Variants in ANKS1B observed in about 807,000 individuals in gnomAD.
The protein encoded by ANKS1B is ankyrin repeat and sterile alpha motif domain containing 1B.
Under a neutral mutation model 148.3 loss-of-function variants are expected in ANKS1B, and 36 were observed. The ratio of observed to expected loss-of-function variants is 0.24; its 90% CI spans 0.19 to 0.32. The LOEUF is 0.32. Among genes scored for constraint, ANKS1B ranks in the 10% least tolerant of loss-of-function variants. The pLI, the probability that ANKS1B is intolerant of heterozygous loss-of-function variation, is 1.00. For missense variants in ANKS1B, 1,157 were observed against 1,542.6 expected, an observed-to-expected ratio of 0.75 and a Z score of 4.19; for synonymous variants, 542 against 560.8, an observed-to-expected ratio of 0.97 and a Z score of 0.47.
At chr12:98,956,996 T>C (rs902951802) in intron 17 of ANKS1B, among the ~76,000 whole-genome samples, 11 of 152,152 alleles carry the variant, frequency 7.2e-5, no homozygotes, top group African/African-American at 2.7e-4. Context: ...TTACTCTATC[T>C]CCTTTTCTCT....
chr12:99,739,747 G>T (rs921235606), intron 8 of ANKS1B, among the ~76,000 whole-genome samples: 1 of 151,852 alleles, frequency 6.6e-6, no homozygotes, highest in Non-Finnish European at 1.5e-5. Context: ...TCTCCCCCTG[G>T]AATATTCATT....
intron 9 of ANKS1B, among the ~76,000 whole-genome samples, chr12:99,646,685 A>G (rs1395210103): frequency 6.7e-6 from 1 of 148,902 alleles, no homozygotes; most frequent in Admixed American, 6.7e-5. Context: ...AAAAAGACTC[A>G]ACTATGGCTA....
intron 17 of ANKS1B, among the ~76,000 whole-genome samples, chr12:98,957,473 G>A (rs2153110994): frequency 6.6e-6 from 1 of 151,996 alleles, no homozygotes; most frequent in Non-Finnish European, 1.5e-5. Flanking sequence ...TTAGCCTTCT[G>A]AGTAGCTGGG....
intron 14 of ANKS1B, among the ~76,000 whole-genome samples, chr12:99,240,743 T>A (rs933390640): frequency 2.6e-5 from 4 of 152,180 alleles, no homozygotes; most frequent in African/African-American, 9.7e-5. Context: ...ATTAAGAAAT[T>A]CACTCAAAAC....
chr12:99,766,562 C>T (rs1480441153), intron 8 of ANKS1B, among the ~76,000 whole-genome samples: 2 of 152,082 alleles, frequency 1.3e-5, no homozygotes, highest in Non-Finnish European at 2.9e-5. Flanking sequence ...AAATGCAGGT[C>T]AACATGATCC....
At chr12:99,003,417 C>T (rs1312794461) in intron 17 of ANKS1B, among the ~76,000 whole-genome samples, 3 of 152,062 alleles carry the variant, frequency 2.0e-5, no homozygotes, top group South Asian at 2.1e-4. Flanking sequence ...AGATTACTTT[C>T]GGTAGTGTGG....
At chr12:99,212,032 C>T (rs1431203211) in intron 14 of ANKS1B, among the ~76,000 whole-genome samples, 1 of 152,144 alleles carries the variant, frequency 6.6e-6, no homozygotes, top group African/African-American at 2.4e-5. Context: ...CACTGTGCTA[C>T]AGGGAAAAAC....
intron 12 of ANKS1B, among the ~76,000 whole-genome samples, chr12:99,286,965 A>AG (rs1194633840): frequency 6.6e-6 from 1 of 152,140 alleles, no homozygotes; most frequent in Non-Finnish European, 1.5e-5. Context: ...ACTCTGGGCC[A>AG]GGGGGGAGCT....
intron 17 of ANKS1B, 126 bp downstream of exon 17, chr12:99,053,031 C>A: frequency 1.2e-6 from 1 of 827,754 alleles, no homozygotes; most frequent in Non-Finnish European, 1.8e-6. Flanking sequence ...TGAGAGAGAT[C>A]GATATTTAAA....
intron 17 of ANKS1B, among the ~76,000 whole-genome samples, chr12:99,040,275 C>CGT (rs146791344): frequency 0.028 from 4,121 of 147,494 alleles, 79 homozygotes; most frequent in African/African-American, 0.053. Context: ...TGTGCGTGTG[C>CGT]GTGTGTGTGT....
At chr12:99,396,125 A>G (rs976858286) in intron 12 of ANKS1B, among the ~76,000 whole-genome samples, 1 of 152,170 alleles carries the variant, frequency 6.6e-6, no homozygotes, top group African/African-American at 2.4e-5. Flanking sequence ...ATTAGTTGCC[A>G]AGGTTTACAA....
chr12:98,776,688 G>A (rs987481297), intron 24 of ANKS1B, among the ~76,000 whole-genome samples: 4 of 152,192 alleles, frequency 2.6e-5, no homozygotes, highest in East Asian at 1.9e-4. Flanking sequence ...TCTGAGCCCC[G>A]ACAGGTGGGA....
chr12:99,194,353 A>AG (rs1445738791), intron 14 of ANKS1B, among the ~76,000 whole-genome samples: 1 of 152,094 alleles, frequency 6.6e-6, no homozygotes, highest in Non-Finnish European at 1.5e-5. Context: ...GATGACTTTG[A>AG]GGGGTCACAG....
intron 15 of ANKS1B, among the ~76,000 whole-genome samples, chr12:99,101,262 A>C (rs530883298): frequency 6.0e-4 from 92 of 152,292 alleles, no homozygotes; most frequent in African/African-American, 2.2e-3. Flanking sequence ...TCCAGTGGCT[A>C]TCTGAAGTGT....
chr12:99,342,807 A>G (rs2090119708), intron 12 of ANKS1B, among the ~76,000 whole-genome samples: 1 of 151,450 alleles, frequency 6.6e-6, no homozygotes, highest in African/African-American at 2.4e-5. Context: ...TAGAATAATT[A>G]AAATTAAGTA....
intron 15 of ANKS1B, among the ~76,000 whole-genome samples, chr12:99,138,678 A>G (rs2068963680): frequency 6.6e-6 from 1 of 152,184 alleles, no homozygotes; most frequent in African/African-American, 2.4e-5. Flanking sequence ...GAGGCATTAC[A>G]TGACCCCTAG....
intron 10 of ANKS1B, among the ~76,000 whole-genome samples, chr12:99,467,892 C>G (rs1427019793): frequency 2.0e-5 from 3 of 152,090 alleles, no homozygotes; most frequent in Non-Finnish European, 4.4e-5. Flanking sequence ...CAATGCCATC[C>G]CCATCAAGCT....
chr12:99,541,580 G>A (rs148848887), intron 9 of ANKS1B, among the ~76,000 whole-genome samples: 10 of 152,244 alleles, frequency 6.6e-5, no homozygotes, highest in African/African-American at 2.2e-4. Context: ...CATGCTTCTG[G>A]TCGGGCATGG....
At chr12:99,690,629 T>C (rs550151780) in intron 8 of ANKS1B, among the ~76,000 whole-genome samples, 1 of 152,304 alleles carries the variant, frequency 6.6e-6, no homozygotes, top group South Asian at 2.1e-4. Flanking sequence ...ACTCCACGTC[T>C]CACATCTGGG....
Sources: gnomAD v4.1 joint callset for allele counts (sites outside exome capture counted in the v4.1 genomes callset) on GRCh38, gnomAD v4.1.1 for gene constraint, MANE v1.5 for transcripts, NCBI Gene and HGNC (gene_info 2026-07-23, HGNC 2026-07-21) for gene names.